SMURF2: variants seen among roughly 807,000 people sequenced by gnomAD.
SMURF2 encodes the protein SMAD specific E3 ubiquitin protein ligase 2.
In SMURF2, 48 loss-of-function variants were observed where a neutral mutation model predicts 109.6. That is an observed-to-expected ratio of 0.44 (90% CI 0.35 to 0.56). SMURF2 has a LOEUF of 0.56. Among genes scored for constraint, SMURF2 ranks in the 20% least tolerant of loss-of-function variants. SMURF2 has a pLI of 0.01. For missense variants in SMURF2, 575 were observed against 909.0 expected, an observed-to-expected ratio of 0.63 and a Z score of 4.72; for synonymous variants, 288 against 317.1, an observed-to-expected ratio of 0.91 and a Z score of 0.97.
At chr17:64,607,751 G>A (rs1475271941) in intron 1 of SMURF2, among the ~76,000 whole-genome samples, 6 of 151,184 alleles carry the variant, frequency 4.0e-5, no homozygotes, top group East Asian at 1.9e-4. Context: ...TGGCTGGATC[G>A]CTTGAGGTCA....
At chr17:64,621,077 A>G (rs1970194516) in intron 1 of SMURF2, among the ~76,000 whole-genome samples, 1 of 152,208 alleles carries the variant, frequency 6.6e-6, no homozygotes, top group Non-Finnish European at 1.5e-5. Flanking sequence ...ATAATGTTCT[A>G]AAATTTTATT....
Position 64,612,670 on chromosome 17 carries a change from T to TC in SMURF2, c.53-6031dup, listed in dbSNP as rs528554301. The stretch of plus-strand genomic sequence containing the variant: ...GCCTGAGCAACAGAGTGAGACACTG[T>TC]CCCCCTCCCTCCACCCCTCAAAAAA... On this transcript the variant is annotated intron_variant, in intron 1 of 18. Coordinates refer to ENST00000262435, the MANE Select transcript of SMURF2 (RefSeq NM_022739.4). Among the ~76,000 whole-genome samples, 89 of 152,144 alleles carry TC rather than the reference T, an allele frequency of 5.8e-4. 1 individual carries two copies. In the East Asian group the frequency reaches 0.013, roughly 21 times the overall value.
chr17:64,600,717 G>C (rs1555688479), intron 2 of SMURF2, among the ~76,000 whole-genome samples: 1 of 152,110 alleles, frequency 6.6e-6, no homozygotes, highest in Non-Finnish European at 1.5e-5. Flanking sequence ...TTATAAATGT[G>C]TTCAATGGAA....
rs1555683613 is a variant in SMURF2 at position 64,551,574 on chromosome 17, A to C, written c.1869+10T>G. ...TTACACTAGTGATGTTATAATACTA[A>C]TGCACTAACCTCTAACTCCTTCTCA... On this transcript the variant is annotated intron_variant, in intron 16 of 18. Coordinates refer to ENST00000262435, the MANE Select transcript of SMURF2 (RefSeq NM_022739.4). 6.2e-7 allele frequency: 1 copy of C among 1,613,436 alleles called. No homozygotes were observed.
At chr17:64,648,089 A>C (rs1370585132) in intron 1 of SMURF2, among the ~76,000 whole-genome samples, 1 of 144,846 alleles carries the variant, frequency 6.9e-6, no homozygotes, top group African/African-American at 2.8e-5. Flanking sequence ...AAAAAAAAAA[A>C]AAACAGGATC....
chr17:64,552,020 A>G (rs1291124620), intron 15 of SMURF2, among the ~76,000 whole-genome samples: 2 of 152,210 alleles, frequency 1.3e-5, no homozygotes, highest in African/African-American at 2.4e-5. Flanking sequence ...CTAAACTTAC[A>G]GCATACATGC....
intron 1 of SMURF2, among the ~76,000 whole-genome samples, chr17:64,634,206 A>C (rs1385914620): frequency 6.6e-6 from 1 of 152,204 alleles, no homozygotes; most frequent in Non-Finnish European, 1.5e-5. Context: ...CTTGGAGCTA[A>C]GTAATACAAG....
chr17:64,558,350 G>T (rs528644839), intron 12 of SMURF2, among the ~76,000 whole-genome samples: 2 of 151,788 alleles, frequency 1.3e-5, no homozygotes, highest in East Asian at 3.9e-4. Context: ...AGTGAGCTGA[G>T]ATTGCACCAC....
rs963912794 is a variant in SMURF2, at chr17:64,545,192, G to A, written c.*656C>T. On this transcript the variant is annotated 3_prime_UTR_variant, in exon 19 of 19. Transcript: ENST00000262435. ...GGAATTTGACAACCAAAATTATATC[G>A]CTGTATTCCAGGAAATCCGTTCTTG... is the stretch of plus-strand genomic sequence containing the variant. The A allele has an allele frequency of 6.6e-6, 1 of 152,124 alleles. No homozygotes were observed. Among genetic ancestry groups the A allele is most frequent in the Non-Finnish European group, 1.5e-5 (1 of 67,986 alleles). The allele number at this position is 152,124 out of a possible 1,614,324, so 9.4% of individuals were successfully genotyped here. A position where few individuals can be genotyped will look rare whatever the true frequency, so the allele number is the denominator to read the frequency against.
At chr17:64,559,942 C>T (rs142666365) in intron 12 of SMURF2, among the ~76,000 whole-genome samples, 4,184 of 151,160 alleles carry the variant, frequency 0.028, 193 homozygotes, top group African/African-American at 0.096. Context: ...TTAGTAGAGA[C>T]GGGGTTTCAT....
chr17:64,564,395 G>C (rs1481204208), intron 10 of SMURF2, among the ~76,000 whole-genome samples: 2 of 152,188 alleles, frequency 1.3e-5, no homozygotes, highest in Non-Finnish European at 2.9e-5. Context: ...CTGACAGAAA[G>C]CAGGTCAGCA....
At chr17:64,620,033 C>T (rs980082919) in intron 1 of SMURF2, among the ~76,000 whole-genome samples, 1 of 152,128 alleles carries the variant, frequency 6.6e-6, no homozygotes, top group South Asian at 2.1e-4. Flanking sequence ...CATCAGCTTC[C>T]CTAGTGAACC....
chr17:64,573,452 G>T (rs1969444721), intron 9 of SMURF2, among the ~76,000 whole-genome samples: 1 of 152,068 alleles, frequency 6.6e-6, no homozygotes, highest in Non-Finnish European at 1.5e-5. Context: ...GGGCACACAG[G>T]GACCTATATT....
chr17:64,625,779 A>C (rs1201792171), intron 1 of SMURF2, among the ~76,000 whole-genome samples: 3 of 152,220 alleles, frequency 2.0e-5, no homozygotes, highest in Non-Finnish European at 2.9e-5. Flanking sequence ...TGCTGGTCTC[A>C]GCACCAGACT....
At position 64,580,289 on chromosome 17, in the gene SMURF2, TACAA is replaced by T. The variant is rs1261415938; in HGVS notation, c.772+496_772+499del. ...TTTATATAAGATTGTAATCATTTTA[TACAA>T]ACATAGAAGTGACTCAGTCATTTAC... On this transcript the variant is annotated intron_variant, in intron 8 of 18. Coordinates refer to ENST00000262435, the MANE Select transcript of SMURF2 (RefSeq NM_022739.4). Among the ~76,000 whole-genome samples the T allele has an allele frequency of 9.2e-5, 14 of 152,350 alleles. No individual in the cohort carries two copies. The East Asian group carries it at 2.7e-3, about 29-fold the overall frequency.
At chr17:64,599,590 C>T (rs1359751945) in intron 2 of SMURF2, among the ~76,000 whole-genome samples, 9 of 152,146 alleles carry the variant, frequency 5.9e-5, no homozygotes, top group Admixed American at 1.3e-4. Context: ...GCCTGAGCTC[C>T]GCCTTCTGTC....
intron 1 of SMURF2, among the ~76,000 whole-genome samples, chr17:64,626,680 T>C (rs545997012): frequency 3.9e-5 from 6 of 152,228 alleles, no homozygotes; most frequent in African/African-American, 1.4e-4. Flanking sequence ...AGGGAATCGC[T>C]TGAACCTAAG....
At chr17:64,645,696 C>T (rs895606499) in intron 1 of SMURF2, among the ~76,000 whole-genome samples, 3 of 152,122 alleles carry the variant, frequency 2.0e-5, no homozygotes, top group African/African-American at 4.8e-5. Context: ...TGGTCTCAAA[C>T]GCCTAGGCTT....
rs1250044294 is a variant in SMURF2 at position 64,546,307 on chromosome 17, GT to G, written c.2102del (p.His701ProfsTer20). On this transcript the variant is annotated frameshift_variant, in exon 18 of 19. Coordinates refer to ENST00000262435, the MANE Select transcript of SMURF2 (RefSeq NM_022739.4). LOFTEE classifies it high-confidence loss of function. ...GAAGPRLFTI[H>X]QIDACTNNLP... Reference sequence around the variant, plus strand: ...GGTTGTTAGTGCAGGCATCAATCTGGTGTATGGTAAAGAGTCTCGGGCCTGC... The same window carrying G: ...GGTTGTTAGTGCAGGCATCAATCTGGGTATGGTAAAGAGTCTCGGGCCTGC... 6.2e-7 allele frequency: 1 copy of G among 1,614,020 alleles called. No individual in the cohort carries two copies. The highest frequency in any genetic ancestry group is 8.5e-7 in the Non-Finnish European group (1 of 1,179,916).
Sources: allele counts gnomAD v4.1 joint callset (sites outside exome capture counted in the v4.1 genomes callset), GRCh38; gene constraint gnomAD v4.1.1; transcripts MANE v1.5; gene names NCBI Gene and HGNC (gene_info 2026-07-23, HGNC 2026-07-21).